Variants in RSRC1 observed in about 807,000 individuals in gnomAD.
RSRC1 encodes arginine and serine rich coiled-coil 1.
RSRC1 carries 39 observed loss-of-function variants against 49.1 expected under a neutral mutation model. The observed-to-expected ratio is 0.79, with a 90% CI of 0.61 to 1.04. The LOEUF is 1.04. RSRC1 is among the 50% of genes least tolerant of loss of function. The pLI, the probability that RSRC1 is intolerant of heterozygous loss-of-function variation, is 0.00. For synonymous variants in RSRC1, 143 were observed against 130.8 expected, an observed-to-expected ratio of 1.09 and a Z score of -0.63; for missense variants, 388 against 402.4, an observed-to-expected ratio of 0.96 and a Z score of 0.31.
At chr3:158,414,036 A>G (rs890688141) in intron 6 of RSRC1, among the ~76,000 whole-genome samples, 1 of 152,112 alleles carries the variant, frequency 6.6e-6, no homozygotes, top group African/African-American at 2.4e-5. Context: ...ACCCAAAAGA[A>G]TATAAATTAC....
intron 7 of RSRC1, among the ~76,000 whole-genome samples, chr3:158,487,958 A>G (rs1355844382): frequency 1.4e-4 from 21 of 146,104 alleles, no homozygotes; most frequent in African/African-American, 3.8e-4. Flanking sequence ...AGAAAAAAAA[A>G]AAAAAAAAAA....
intron 3 of RSRC1, among the ~76,000 whole-genome samples, chr3:158,156,098 C>A (rs1243543684): frequency 1.3e-5 from 2 of 152,186 alleles, no homozygotes; most frequent in African/African-American, 4.8e-5. Context: ...TGTTGTTTAG[C>A]ATAGCCACCT....
intron 6 of RSRC1, among the ~76,000 whole-genome samples, chr3:158,409,874 G>A (rs536611512): frequency 4.6e-5 from 7 of 152,080 alleles, no homozygotes; most frequent in African/African-American, 1.2e-4. Context: ...CTCCTGCACT[G>A]AACCCTTCAA....
intron 7 of RSRC1, among the ~76,000 whole-genome samples, chr3:158,494,527 T>G (rs1739223923): frequency 6.6e-6 from 1 of 152,216 alleles, no homozygotes; most frequent in South Asian, 2.1e-4. Flanking sequence ...AATAATAAAT[T>G]AACCTTAGCT....
Position 158,223,849 on chromosome 3 carries a change from G to A in RSRC1, c.494+20604G>A, listed in dbSNP as rs1722362508. Among the ~76,000 whole-genome samples, 6 of 151,632 alleles carry A rather than the reference G, an allele frequency of 4.0e-5. No homozygotes were observed. The Middle Eastern group carries it at 0.02, about 516-fold the overall frequency. On this transcript the variant is annotated intron_variant, in intron 4 of 9. Coordinates refer to ENST00000611884, the MANE Select transcript of RSRC1 (RefSeq NM_001271838.2). ...TTTGCAATTGTTGTTGCCTCTGTTT[G>A]GAATGCCTCCTCCAGGGTCTTTGTA...
chr3:158,334,797 A>G (rs922826533), intron 5 of RSRC1, among the ~76,000 whole-genome samples: 5 of 151,866 alleles, frequency 3.3e-5, no homozygotes, highest in East Asian at 1.9e-4. Flanking sequence ...TGGGATTACA[A>G]TCATGAGCCA....
chr3:158,337,210 T>C (rs1729958258), intron 5 of RSRC1, among the ~76,000 whole-genome samples: 1 of 152,198 alleles, frequency 6.6e-6, no homozygotes, highest in Non-Finnish European at 1.5e-5. Context: ...TTCCACATCC[T>C]CATTCCACAT....
chr3:158,183,860 G>C (rs1719775376), intron 3 of RSRC1, among the ~76,000 whole-genome samples: 1 of 152,122 alleles, frequency 6.6e-6, no homozygotes, highest in Admixed American at 6.6e-5. Flanking sequence ...AAGCTGCAGT[G>C]ATCATGGCAC....
At chr3:158,221,111 A>G (rs1722201424) in intron 4 of RSRC1, among the ~76,000 whole-genome samples, 1 of 151,614 alleles carries the variant, frequency 6.6e-6, no homozygotes, top group South Asian at 2.1e-4. Context: ...CTTTATAAAA[A>G]GAGAATATTT....
chr3:158,198,696 A>G (rs1720818588), intron 3 of RSRC1, among the ~76,000 whole-genome samples: 1 of 152,054 alleles, frequency 6.6e-6, no homozygotes, highest in South Asian at 2.1e-4. Flanking sequence ...GACACTCCCC[A>G]GTGAGATGAA....
chr3:158,349,987 G>A (rs897903945), intron 5 of RSRC1, among the ~76,000 whole-genome samples: 23 of 150,194 alleles, frequency 1.5e-4, no homozygotes, highest in Admixed American at 1.5e-3. Flanking sequence ...CTTGAGCCAC[G>A]TGCCCAGGCT....
At chr3:158,414,920 A>G (rs946185702) in intron 6 of RSRC1, among the ~76,000 whole-genome samples, 6 of 152,134 alleles carry the variant, frequency 3.9e-5, no homozygotes, top group Non-Finnish European at 7.4e-5. Flanking sequence ...ATTTTCTTGT[A>G]AGCAAATCCC....
intron 1 of RSRC1, among the ~76,000 whole-genome samples, chr3:158,114,986 GT>G (rs1181707486): frequency 6.6e-6 from 1 of 151,722 alleles, no homozygotes; most frequent in Non-Finnish European, 1.5e-5. Context: ...AATACCCTTT[GT>G]TTTTTTTCTC....
At chr3:158,136,718 T>A (rs984653144) in intron 3 of RSRC1, 2 of 152,300 alleles carry the variant, frequency 1.3e-5, no homozygotes, top group African/African-American at 2.4e-5. Context: ...CAGAGTGTTT[T>A]TTCTTTTTTT....
intron 6 of RSRC1, among the ~76,000 whole-genome samples, chr3:158,367,322 T>A (rs1731822151): frequency 1.3e-5 from 2 of 152,176 alleles, no homozygotes; most frequent in Non-Finnish European, 2.9e-5. Context: ...CAACACCTAG[T>A]TTATTGAGAG....
intron 8 of RSRC1, among the ~76,000 whole-genome samples, chr3:158,537,591 A>G (rs1712786299): frequency 6.6e-6 from 1 of 151,596 alleles, no homozygotes; most frequent in South Asian, 2.1e-4. Flanking sequence ...AAAAACTAAT[A>G]CCCATATTGT....
chr3:158,259,111 C>G (rs542694579), intron 4 of RSRC1, among the ~76,000 whole-genome samples: 2 of 152,154 alleles, frequency 1.3e-5, no homozygotes, highest in South Asian at 2.1e-4. Context: ...TTTGATTCTT[C>G]TGCGTGTTCA....
At chr3:158,122,385 A>G in intron 2 of RSRC1, 87 bp downstream of exon 2, 1 of 1,072,976 alleles carries the variant, frequency 9.3e-7, no homozygotes, top group Non-Finnish European at 1.3e-6. Flanking sequence ...TGCTAGATAA[A>G]ACATTTTTCT....
Position 158,490,284 on chromosome 3 carries a change from C to A in RSRC1, c.652+29281C>A, listed in dbSNP as rs1739024562. The stretch of plus-strand genomic sequence containing the variant: ...TGTTTTTAGTAGAGATGGGGTTTCA[C>A]CACGTTAGCCAGGATGGTCTCAATC... On this transcript the variant is annotated intron_variant, in intron 7 of 9. Coordinates refer to ENST00000611884, the MANE Select transcript of RSRC1 (RefSeq NM_001271838.2). Among the ~76,000 whole-genome samples the A allele has an allele frequency of 2.0e-5, 3 of 152,294 alleles. No individual in the cohort carries two copies. The Middle Eastern group carries it at 0.01, about 518-fold the overall frequency.
Sources: gnomAD v4.1 joint callset for allele counts (sites outside exome capture counted in the v4.1 genomes callset) on GRCh38, gnomAD v4.1.1 for gene constraint, MANE v1.5 for transcripts, NCBI Gene and HGNC (gene_info 2026-07-23, HGNC 2026-07-21) for gene names.